Variants in HIVEP3 observed in about 807,000 individuals in gnomAD.
HIVEP3 encodes the protein HIVEP zinc finger 3, also known as transcription factor HIVEP3.
Under a neutral mutation model 152.8 loss-of-function variants are expected in HIVEP3, and 49 were observed. That is an observed-to-expected ratio of 0.32 (90% CI 0.26 to 0.41). The LOEUF (loss-of-function observed/expected upper bound fraction) is 0.41, where lower values mean the gene tolerates loss of function less well. HIVEP3 is among the 10% of genes least tolerant of loss of function. The pLI is 1.00. For missense variants in HIVEP3, 2,790 were observed against 3,103.3 expected, an observed-to-expected ratio of 0.90 and a Z score of 2.40; for synonymous variants, 1,269 against 1,289.0, an observed-to-expected ratio of 0.98 and a Z score of 0.33.
At chr1:41,574,371 C>T (rs1644296211) in intron 5 of HIVEP3, among the ~76,000 whole-genome samples, 2 of 152,130 alleles carry the variant, frequency 1.3e-5, no homozygotes, top group South Asian at 2.1e-4. Flanking sequence ...GTTTTTTCAA[C>T]GCAGCTGCTA....
chr1:41,519,915 C>T (rs547451829), intron 6 of HIVEP3, among the ~76,000 whole-genome samples: 51 of 151,836 alleles, frequency 3.4e-4, no homozygotes, highest in African/African-American at 1.1e-3. Context: ...AGGACAGAGA[C>T]GTGGATGAAT....
At chr1:41,953,054 C>T (rs929006116) in intron 1 of HIVEP3, among the ~76,000 whole-genome samples, 29 of 152,214 alleles carry the variant, frequency 1.9e-4, no homozygotes, top group Non-Finnish European at 2.8e-4. Flanking sequence ...GTCCGTGACA[C>T]TGCTCCTGGT....
At chr1:41,706,443 C>T (rs757407278) in intron 1 of HIVEP3, among the ~76,000 whole-genome samples, 6 of 152,036 alleles carry the variant, frequency 3.9e-5, no homozygotes, top group Non-Finnish European at 8.8e-5. Context: ...CACCACACCT[C>T]GCTAATTTTT....
intron 2 of HIVEP3, among the ~76,000 whole-genome samples, chr1:41,696,173 G>A (rs1034946068): frequency 2.0e-5 from 3 of 152,218 alleles, no homozygotes; most frequent in African/African-American, 7.2e-5. Context: ...CACCCCTGAG[G>A]GCATTTCAGA....
intron 3 of HIVEP3, among the ~76,000 whole-genome samples, chr1:41,591,387 C>A (rs1277260128): frequency 1.3e-5 from 2 of 152,134 alleles, no homozygotes; most frequent in African/African-American, 4.8e-5. Flanking sequence ...TGGGCAGAGC[C>A]TTGGCCTGCA....
chr1:41,833,863 G>A (rs1029702972), intron 1 of HIVEP3, among the ~76,000 whole-genome samples: 2 of 152,144 alleles, frequency 1.3e-5, no homozygotes, highest in African/African-American at 4.8e-5. Context: ...ACACACAAAG[G>A]AAAATCCTTC....
At chr1:41,926,455 T>C (rs1198305347) in intron 1 of HIVEP3, among the ~76,000 whole-genome samples, 2 of 152,204 alleles carry the variant, frequency 1.3e-5, no homozygotes, top group African/African-American at 4.8e-5. Context: ...AAAGGCACTT[T>C]ATTTGTGGCA....
intron 1 of HIVEP3, among the ~76,000 whole-genome samples, chr1:41,985,142 C>G (rs1645314906): frequency 6.6e-6 from 1 of 152,146 alleles, no homozygotes. Flanking sequence ...GAATGGAAAA[C>G]TAGTTCCAGG....
intron 1 of HIVEP3, among the ~76,000 whole-genome samples, chr1:41,800,073 C>A (rs1650216776): frequency 6.6e-6 from 1 of 152,198 alleles, no homozygotes; most frequent in Non-Finnish European, 1.5e-5. Context: ...CTGACCATGC[C>A]ACGTTCAGAA....
At chr1:41,718,972 T>G (rs1477605353) in intron 1 of HIVEP3, among the ~76,000 whole-genome samples, 1 of 152,160 alleles carries the variant, frequency 6.6e-6, no homozygotes, top group African/African-American at 2.4e-5. Flanking sequence ...CTAGGCTTGA[T>G]GGACTAGGAC....
At position 41,662,905 on chromosome 1, in the gene HIVEP3, C is replaced by T. The variant is rs1263067577; in HGVS notation, c.-720-33958G>A. ...TTCCCCCTGGGTGCCAGCCGGGCTCCGGGAAGCCCGCGCCTCCCCAGGCGG... is the reference window on the plus strand; with the variant it reads ...TTCCCCCTGGGTGCCAGCCGGGCTCTGGGAAGCCCGCGCCTCCCCAGGCGG... On this transcript the variant is annotated intron_variant, in intron 2 of 8. Coordinates refer to ENST00000372583, the MANE Select transcript of HIVEP3 (RefSeq NM_024503.5). This position sits in a 1 kb window ranked among gnomAD's most constrained non-coding sequence, Gnocchi z 7.2. Among the ~76,000 whole-genome samples the T allele has an allele frequency of 6.7e-6, 1 of 149,716 alleles. No individual in the cohort carries two copies. Among genetic ancestry groups the T allele is most frequent in the Non-Finnish European group, 1.5e-5 (1 of 67,300 alleles).
At chr1:41,741,304 T>A (rs976500767) in intron 1 of HIVEP3, among the ~76,000 whole-genome samples, 2 of 152,124 alleles carry the variant, frequency 1.3e-5, no homozygotes, top group Admixed American at 1.3e-4. Context: ...GGAGGAGCAA[T>A]GGAACCAAGA....
intron 1 of HIVEP3, among the ~76,000 whole-genome samples, chr1:41,860,753 C>A (rs1643877412): frequency 6.6e-6 from 1 of 152,204 alleles, no homozygotes; most frequent in South Asian, 2.1e-4. Context: ...CTGGCCCCCA[C>A]AGGTATAATG....
intron 1 of HIVEP3, among the ~76,000 whole-genome samples, chr1:42,011,859 C>T (rs1557561283): frequency 6.6e-6 from 1 of 152,180 alleles, no homozygotes; most frequent in Non-Finnish European, 1.5e-5. Flanking sequence ...CTGTCCTGTG[C>T]TACTCTCTAG....
Position 41,513,164 on chromosome 1 carries a change from C to T in HIVEP3, c.6057G>A (p.Arg2019=), listed in dbSNP as rs1642489709. ...ACCCACAAGGGAGAGCGCCCATGCC[C>T]CTTCCTGGGTCCACGTGCAGGCCAG... ...SPPGLHVDPG[R]GMGALPCGSP... Residue 2019 remains arginine (R), a synonymous_variant, in exon 8 of 9, where the codon AGG becomes AGA. Transcript: ENST00000372583. The T allele has an allele frequency of 3.7e-6, 6 of 1,613,798 alleles. No homozygotes were observed. In the East Asian group the frequency reaches 1.1e-4, roughly 30 times the overall value.
At chr1:42,000,423 A>T (rs566323002) in intron 1 of HIVEP3, among the ~76,000 whole-genome samples, 2 of 152,218 alleles carry the variant, frequency 1.3e-5, no homozygotes, top group Non-Finnish European at 2.9e-5. Flanking sequence ...GTCACTGCCC[A>T]TGTGCAAGGG....
At chr1:41,893,031 G>A (rs1263470880) in intron 1 of HIVEP3, among the ~76,000 whole-genome samples, 1 of 151,154 alleles carries the variant, frequency 6.6e-6, no homozygotes, top group Non-Finnish European at 1.5e-5. Flanking sequence ...GCTGAGGCAG[G>A]AGGACAGCTA....
chr1:41,585,060 G>A lies in HIVEP3; in HGVS notation c.-263C>T, dbSNP rs1309172159. On this transcript the variant is annotated 5_prime_UTR_variant, in exon 4 of 9. The change creates a premature stop within an existing upstream ORF in the 5' untranslated region. Transcript: ENST00000372583. Reference sequence around the variant, plus strand: ...GACAGAAAACGCACCAGCACTTTCTGCCTGAATGTCTGTCGGGAAAACGTC... The same window carrying A: ...GACAGAAAACGCACCAGCACTTTCTACCTGAATGTCTGTCGGGAAAACGTC... 1 of 401,592 alleles carries A rather than the reference G, an allele frequency of 2.5e-6. No homozygotes were observed. Among genetic ancestry groups the A allele is most frequent in the Non-Finnish European group, 4.4e-6 (1 of 228,196 alleles). 24.9% of individuals were successfully genotyped at this position (401,592 alleles called of 1,614,324 possible).
intron 1 of HIVEP3, among the ~76,000 whole-genome samples, chr1:41,757,969 C>T (rs1338195495): frequency 2.0e-5 from 3 of 152,192 alleles, no homozygotes; most frequent in Admixed American, 6.5e-5. Context: ...GCCTCGGCCT[C>T]CCAAAGTGCT....
Sources: allele counts gnomAD v4.1 joint callset (sites outside exome capture counted in the v4.1 genomes callset), GRCh38; gene constraint gnomAD v4.1.1; non-coding constraint Gnocchi (gnomAD v3.1); transcripts MANE v1.5; gene names NCBI Gene and HGNC (gene_info 2026-07-23, HGNC 2026-07-21).